The following PLEKHH3 variants were observed in gnomAD, a reference collection of about 807,000 sequenced individuals.
The protein encoded by PLEKHH3 is pleckstrin homology domain-containing family H member 3.
Under a neutral mutation model 77.8 loss-of-function variants are expected in PLEKHH3, and 57 were observed. The observed-to-expected ratio is 0.73, with a 90% CI of 0.59 to 0.91. PLEKHH3 has a LOEUF of 0.91. PLEKHH3 is among the 40% of genes least tolerant of loss of function. The pLI is 0.00. For synonymous variants in PLEKHH3, 467 were observed against 504.8 expected (o/e 0.93, Z 1.00); for missense variants, 1,082 against 1,091.2 (o/e 0.99, Z 0.12).
chr17:42,669,075 T>G (rs891190290), intron 12 of PLEKHH3: 5 of 175,356 alleles, frequency 2.9e-5, no homozygotes, highest in African/African-American at 1.2e-4. Flanking sequence ...CCTCCCAAAG[T>G]GCTGGGATTA....
intron 9 of PLEKHH3, 113 bp downstream of exon 9, chr17:42,670,881 G>C (rs1019707750): frequency 6.5e-7 from 1 of 1,538,234 alleles, no homozygotes; most frequent in South Asian, 1.2e-5. Context: ...GTAAACCAGC[G>C]AACACCACAG....
Position 42,676,775 on chromosome 17 carries a change from G to T in PLEKHH3, c.-212C>A, listed in dbSNP as rs535892898. On this transcript the variant is annotated 5_prime_UTR_variant, in exon 1 of 13. Coordinates refer to ENST00000591022, the MANE Select transcript of PLEKHH3 (RefSeq NM_024927.5). This position sits in a 1 kb window ranked among gnomAD's most constrained non-coding sequence, Gnocchi z 6.6. ...GGGCTCAGTGTCTGGGCCCCCGGAG[G>T]GGGGAGGGGGAAAAGCGTCCAGGGC... 3.3e-5 allele frequency: 20 copies of T among 603,488 alleles called. No homozygotes were observed. Among genetic ancestry groups the T allele is most frequent in the South Asian group, 8.0e-5 (4 of 50,232 alleles). 37.4% of individuals were successfully genotyped at this position (603,488 alleles called of 1,614,324 possible). A position where few individuals can be genotyped will look rare whatever the true frequency, so the allele number is the denominator to read the frequency against.
chr17:42,673,096 C>G (rs564890721), intron 6 of PLEKHH3, 80 bp downstream of exon 6: 2 of 1,442,586 alleles, frequency 1.4e-6, no homozygotes, highest in Non-Finnish European at 1.8e-6. Context: ...TGCTTAGATC[C>G]CTGCCAGTTA....
At chr17:42,674,664 G>A (rs1317856469) in intron 1 of PLEKHH3, 2 of 390,300 alleles carry the variant, frequency 5.1e-6, no homozygotes, top group Non-Finnish European at 9.1e-6. Context: ...ACAATCAGGG[G>A]TAGGGTAGGG....
rs968552202 is a variant in PLEKHH3 at position 42,672,100 on chromosome 17, C to T, written c.1062G>A (p.Leu354=). ...GCCCCTCTCACCTCTCCAAGTGCCC[C>T]AGGAGGTGCCCCCGCACAGCTCCCC... ...RPGGAVRGHL[L]GHLERTEQAL... The change falls in exon 7 of 13, where the codon CTG becomes CTA. Residue 354 remains leucine (L), a synonymous_variant. Coordinates refer to ENST00000591022, the MANE Select transcript of PLEKHH3 (RefSeq NM_024927.5). The T allele has an allele frequency of 2.7e-6, 4 of 1,490,484 alleles. No homozygotes were observed. Among genetic ancestry groups the T allele is most frequent in the Non-Finnish European group, 3.6e-6 (4 of 1,113,792 alleles). 92.3% of individuals were successfully genotyped at this position (1,490,484 alleles called of 1,614,324 possible).
chr17:42,670,853 C>CG, intron 9 of PLEKHH3, 141 bp downstream of exon 9: 1 of 1,522,066 alleles, frequency 6.6e-7, no homozygotes, highest in Non-Finnish European at 8.9e-7. Flanking sequence ...TGCAAACCTG[C>CG]GGCGGGCAGG....
Position 42,676,376 on chromosome 17 carries a change from C to T in PLEKHH3, c.162+26G>A, listed in dbSNP as rs1371852663. ...CCGGTTACAGCGAGAGTGATTGAGA[C>T]GAGGCTCCGAACCCCCGGGACTTAC... On this transcript the variant is annotated intron_variant, in intron 1 of 12. Coordinates refer to ENST00000591022, the MANE Select transcript of PLEKHH3 (RefSeq NM_024927.5). The surrounding 1 kb of genome is among the most constrained non-coding windows in gnomAD (Gnocchi z 6.6). 2 of 1,611,294 alleles carry T rather than the reference C, an allele frequency of 1.2e-6. No homozygotes were observed. Among genetic ancestry groups the T allele is most frequent in the East Asian group, 4.5e-5 (2 of 44,836 alleles).
In PLEKHH3 at chr17:42,668,135, G is replaced by A; in HGVS notation, c.2374C>T (p.Gln792Ter). The change falls in exon 13 of 13, where the codon CAG becomes TAG. Residue 792 changes from glutamine to a stop codon, truncating the protein, a stop_gained. Transcript: ENST00000591022. LOFTEE classifies it high-confidence loss of function. The part of the protein sequence containing the change: ...QGQSGCLGQL[Q>*]D ...GTGACCTCTTGGCAGGCTCAGTCCT[G>A]CAGCTGCCCCAAGCAGCCAGACTGT... 1.4e-6 allele frequency: 2 copies of A among 1,451,750 alleles called. No homozygotes were observed. The highest frequency in any genetic ancestry group is 2.9e-5 in the Admixed American group (1 of 33,942). 89.9% of individuals were successfully genotyped at this position (1,451,750 alleles called of 1,614,324 possible).
At chr17:42,674,044 C>T in intron 2 of PLEKHH3, 31 bp from the exon 3 acceptor site, 2 of 1,607,526 alleles carry the variant, frequency 1.2e-6, no homozygotes, top group Non-Finnish European at 1.7e-6. Context: ...GGTTGGGTCT[C>T]CACTCTGCCT....
intron 9 of PLEKHH3, 128 bp from the exon 10 acceptor site, chr17:42,670,833 G>C: frequency 6.6e-7 from 1 of 1,516,856 alleles, no homozygotes; most frequent in Non-Finnish European, 8.9e-7. Context: ...AGGTGATGCT[G>C]CAGTCGGACT....
In PLEKHH3 at chr17:42,673,170, A is replaced by C. The variant is rs755655822; in HGVS notation, c.769+6T>G. On this transcript the variant is annotated splice_donor_region_variant and intron_variant, in intron 6 of 12. Coordinates refer to ENST00000591022, the MANE Select transcript of PLEKHH3 (RefSeq NM_024927.5). ...TCCAGGGGACTTGGGCCATGGGACC[A>C]CTCACCTGGGGCGCTGACTCCATAG... The C allele has an allele frequency of 1.3e-6, 2 of 1,510,794 alleles. No individual in the cohort carries two copies. The highest frequency in any genetic ancestry group is 1.8e-6 in the Non-Finnish European group (2 of 1,131,906). The allele number at this position is 1,510,794 out of a possible 1,614,324, so 93.6% of individuals were successfully genotyped here.
chr17:42,676,541 C>T lies in PLEKHH3; in HGVS notation c.23G>A (p.Trp8Ter). 1 of 1,572,132 alleles carries T rather than the reference C, an allele frequency of 6.4e-7. No individual in the cohort carries two copies. The highest frequency in any genetic ancestry group is 2.3e-5 in the East Asian group (1 of 42,814). Reference protein sequence around the residue: MPLPGGLWWLLCCRRGFT... With the variant: MPLPGGL ...GCCTCGACGGCAGCAGAGAAGCCAC[C>T]ATAGTCCCCCGGGGAGAGGCATCCG... is the stretch of plus-strand genomic sequence containing the variant. The change falls in exon 1 of 13, where the codon TGG (tryptophan) becomes TAG (stop). Residue 8 changes from tryptophan (W) to a stop codon, truncating the protein, a stop_gained. Coordinates refer to ENST00000591022, the MANE Select transcript of PLEKHH3 (RefSeq NM_024927.5). LOFTEE classifies it high-confidence loss of function. The surrounding 1 kb of genome is among the most constrained non-coding windows in gnomAD (Gnocchi z 6.6).
At chr17:42,670,473 C>T in intron 10 of PLEKHH3, 97 bp from the exon 11 acceptor site, 2 of 1,519,088 alleles carry the variant, frequency 1.3e-6, no homozygotes, top group South Asian at 1.3e-5. Flanking sequence ...CCAGTCAAGC[C>T]TCCCGCGGGG....
At position 42,671,235 on chromosome 17, in the gene PLEKHH3, T is replaced by A. The variant is rs2143573229; in HGVS notation, c.1285-105A>T. The A allele has an allele frequency of 5.9e-6, 9 of 1,524,064 alleles. No individual in the cohort carries two copies. Among genetic ancestry groups the A allele is most frequent in the Non-Finnish European group, 8.0e-6 (9 of 1,128,220 alleles). 94.4% of individuals were successfully genotyped at this position (1,524,064 alleles called of 1,614,324 possible). A position where few individuals can be genotyped will look rare whatever the true frequency, so the allele number is the denominator to read the frequency against. ...TCTTAGTCCTGTCACCACCACTCCCTCCCTTACCAAAATAATCTAGACTCG... is the reference window on the plus strand; with the variant it reads ...TCTTAGTCCTGTCACCACCACTCCCACCCTTACCAAAATAATCTAGACTCG... On this transcript the variant is annotated intron_variant, in intron 8 of 12. Transcript: ENST00000591022. The surrounding 1 kb of genome is among the most constrained non-coding windows in gnomAD (Gnocchi z 4.7).
rs1236265564 is a variant in PLEKHH3 at position 42,673,546 on chromosome 17, T to C, written c.501A>G (p.Ser167=). The C allele has an allele frequency of 6.3e-7, 1 of 1,593,446 alleles. No homozygotes were observed. The highest frequency in any genetic ancestry group is 8.5e-7 in the Non-Finnish European group (1 of 1,171,966). ...TGTGTTTCCGACCAGACACAGTCACTGACCACAGACCTGGGGAAAAGAGAG... is the reference window on the plus strand; with the variant it reads ...TGTGTTTCCGACCAGACACAGTCACCGACCACAGACCTGGGGAAAAGAGAG... ...ERRRKETGLW[S]VTVSGRKHSV... Residue 167 remains serine (S), a synonymous_variant, in exon 5 of 13, where the codon TCA becomes TCG. Transcript: ENST00000591022.
chr17:42,673,624 A>G lies in PLEKHH3; in HGVS notation c.490+19T>C, dbSNP rs2052752831. 2.5e-6 allele frequency: 4 copies of G among 1,599,352 alleles called. No individual in the cohort carries two copies. Among genetic ancestry groups the G allele is most frequent in the Non-Finnish European group, 3.4e-6 (4 of 1,177,614 alleles). ...GGGCCCCTGCCTAGGAAGGTAGGAG[A>G]GTCCCCAGGAGGTCTCACCTGTCTC... On this transcript the variant is annotated intron_variant, in intron 4 of 12. Coordinates refer to ENST00000591022, the MANE Select transcript of PLEKHH3 (RefSeq NM_024927.5).
chr17:42,670,689 C>G lies in PLEKHH3; in HGVS notation c.1438G>C (p.Ala480Pro). The change falls in exon 10 of 13, where the codon GCT becomes CCT. Residue 480 changes from alanine to proline, a missense_variant. Transcript: ENST00000591022. ...TRFENLAAEE[A>P]GLEDSPDSGW... is the part of the protein sequence containing the mutation. ...GAGTCGGGCGAGTCCTCCAACCCAG[C>G]TTCCTCCGCGGCCAAGCTGCAGAAG... The G allele has an allele frequency of 6.2e-7, 1 of 1,612,592 alleles. No individual in the cohort carries two copies. The highest frequency in any genetic ancestry group is 8.5e-7 in the Non-Finnish European group (1 of 1,179,508).
Position 42,676,284 on chromosome 17 carries a change from C to T in PLEKHH3, c.162+118G>A, listed in dbSNP as rs377549946. The stretch of plus-strand genomic sequence containing the variant: ...GGCTTTGGCCCCCAGGCAAAAAACT[C>T]TCCCTCATCCCTAGTTCGCCAAGCG... On this transcript the variant is annotated intron_variant, in intron 1 of 12. Transcript: ENST00000591022. This position sits in a 1 kb window ranked among gnomAD's most constrained non-coding sequence, Gnocchi z 6.6. 6.6e-7 allele frequency: 1 copy of T among 1,505,364 alleles called. No individual in the cohort carries two copies. The allele number at this position is 1,505,364 out of a possible 1,614,324, so 93.3% of individuals were successfully genotyped here.
At chr17:42,675,335 A>G (rs1597795761) in intron 1 of PLEKHH3, among the ~76,000 whole-genome samples, 2 of 152,074 alleles carry the variant, frequency 1.3e-5, no homozygotes, top group African/African-American at 4.8e-5. Context: ...ATGGCCTGGT[A>G]AAGCCGACCC....
Sources: gnomAD v4.1 joint callset for allele counts (sites outside exome capture counted in the v4.1 genomes callset) on GRCh38, gnomAD v4.1.1 for gene constraint, Gnocchi (gnomAD v3.1) non-coding constraint, MANE v1.5 for transcripts, NCBI Gene and HGNC (gene_info 2026-07-23, HGNC 2026-07-21) for gene names.